Variants in DENND2A observed in about 807,000 individuals in gnomAD.
DENND2A encodes the protein DENN domain containing 2A.
Under a neutral mutation model 105.3 loss-of-function variants are expected in DENND2A, and 53 were observed. The observed-to-expected ratio is 0.50, with a 90% CI of 0.40 to 0.63. The LOEUF (loss-of-function observed/expected upper bound fraction) is 0.63. Ranked by LOEUF, DENND2A falls within the 30% of genes least tolerant of loss-of-function variation. The pLI is 0.00. For missense variants in DENND2A, 1,138 were observed against 1,279.6 expected (o/e 0.89, Z 1.69); for synonymous variants, 522 against 508.4 (o/e 1.03, Z -0.36).
rs78603206 is a variant in DENND2A at position 140,546,535 on chromosome 7, A to G, written c.2178+264T>C. On this transcript the variant is annotated intron_variant, in intron 13 of 19. Transcript: ENST00000496613. Reference sequence around the variant, plus strand: ...AAAAGAAATTAAGGATGTTCAGTGCAGATCCCTAACCTGAGGCCAACATCA... The same window carrying G: ...AAAAGAAATTAAGGATGTTCAGTGCGGATCCCTAACCTGAGGCCAACATCA... Among the ~76,000 whole-genome samples the G allele has an allele frequency of 3.9e-3, 587 of 152,376 alleles. 3 individuals carry two copies. Among genetic ancestry groups the G allele is most frequent in the African/African-American group, 0.013 (539 of 41,592 alleles).
Position 140,632,776 on chromosome 7 carries a change from C to T in DENND2A, c.-248+7728G>A, listed in dbSNP as rs1002915428. On this transcript the variant is annotated intron_variant, in intron 1 of 19. Coordinates refer to ENST00000496613, the MANE Select transcript of DENND2A (RefSeq NM_015689.5). ...TAGAGATGGGGTTTCATTGGCCAGACGGATCTCCAACTCCTGACCTCAGGT... is the reference window on the plus strand; with the variant it reads ...TAGAGATGGGGTTTCATTGGCCAGATGGATCTCCAACTCCTGACCTCAGGT... Among the ~76,000 whole-genome samples the T allele has an allele frequency of 1.1e-4, 17 of 151,144 alleles. No homozygotes were observed. The East Asian group carries it at 1.4e-3, about 12-fold the overall frequency.
intron 2 of DENND2A, among the ~76,000 whole-genome samples, chr7:140,603,354 G>A (rs1799586617): frequency 6.6e-6 from 1 of 152,174 alleles, no homozygotes. Flanking sequence ...TGCTTTTCCT[G>A]CTTTTCTTAT....
At chr7:140,578,804 G>A (rs575710943) in intron 5 of DENND2A, among the ~76,000 whole-genome samples, 5 of 152,226 alleles carry the variant, frequency 3.3e-5, no homozygotes, top group Admixed American at 6.5e-5. Flanking sequence ...AACCCAGGAG[G>A]CAGAGGTTGC....
chr7:140,577,217 C>T (rs1798336056), intron 5 of DENND2A, among the ~76,000 whole-genome samples: 1 of 152,096 alleles, frequency 6.6e-6, no homozygotes, highest in African/African-American at 2.4e-5. Flanking sequence ...AGCAATGACA[C>T]AGTACTATCT....
chr7:140,544,989 C>G (rs531635366), intron 13 of DENND2A: 143 of 479,620 alleles, frequency 3.0e-4, no homozygotes, highest in South Asian at 2.1e-3. Flanking sequence ...GCGTCTCACA[C>G]TCAGCTATGA....
chr7:140,523,466 C>A lies in DENND2A; in HGVS notation c.2548-42G>T, dbSNP rs1212845441. ...GCAGGTGGGCTTATGGGCACGGTGG[C>A]TGCGTCTTGGCCATAGGACACACTG... On this transcript the variant is annotated intron_variant, in intron 16 of 19. Transcript: ENST00000496613. The surrounding 1 kb of genome is among the most constrained non-coding windows in gnomAD (Gnocchi z 4.5). The A allele has an allele frequency of 6.3e-7, 1 of 1,582,766 alleles. No individual in the cohort carries two copies. Among genetic ancestry groups the A allele is most frequent in the South Asian group, 1.1e-5 (1 of 90,386 alleles).
At chr7:140,628,536 CTTT>C (rs987018660) in intron 1 of DENND2A, among the ~76,000 whole-genome samples, 15 of 116,130 alleles carry the variant, frequency 1.3e-4, no homozygotes, top group Non-Finnish European at 1.6e-4. Context: ...AAATTTCTTT[CTTT>C]TTTTTTTTTT....
In DENND2A at chr7:140,589,577, T is replaced by C. The variant is rs533278021; in HGVS notation, c.996-1797A>G. Among the ~76,000 whole-genome samples, 92 of 152,310 alleles carry C rather than the reference T, an allele frequency of 6.0e-4. 1 individual carries two copies. Among genetic ancestry groups the C allele is most frequent in the African/African-American group, 2.0e-3 (85 of 41,582 alleles). ...GCACGACCCTGGCTGAGTTTGGCCT[T>C]TTCTTTGAGAGAGAGAAAGGGGCTG... On this transcript the variant is annotated intron_variant, in intron 3 of 19. Transcript: ENST00000496613.
chr7:140,598,753 A>AC (rs1799375998), intron 3 of DENND2A, among the ~76,000 whole-genome samples: 1 of 152,196 alleles, frequency 6.6e-6, no homozygotes, highest in African/African-American at 2.4e-5. Flanking sequence ...CATGTCAAAT[A>AC]ATTATATATT....
intron 5 of DENND2A, 117 bp downstream of exon 5, chr7:140,585,472 A>G: frequency 3.5e-6 from 5 of 1,412,490 alleles, no homozygotes; most frequent in Non-Finnish European, 4.9e-6. Context: ...CAAATCCAGG[A>G]GCCCGGCAGG....
chr7:140,619,296 GTAAAT>G (rs1367094487), intron 1 of DENND2A, among the ~76,000 whole-genome samples: 2 of 151,790 alleles, frequency 1.3e-5, no homozygotes, highest in African/African-American at 2.4e-5. Flanking sequence ...ATATTATAAT[GTAAAT>G]TAAATTATGT....
At chr7:140,533,818 C>T (rs1302316310) in intron 14 of DENND2A, among the ~76,000 whole-genome samples, 2 of 152,188 alleles carry the variant, frequency 1.3e-5, no homozygotes, top group Non-Finnish European at 2.9e-5. Context: ...ATGAATACCT[C>T]GTTAGCTGGA....
Position 140,527,384 on chromosome 7 carries a change from C to T in DENND2A, c.2439G>A (p.Pro813=), listed in dbSNP as rs76760136. The part of the protein sequence containing the change: ...PPAMVDIVCS[P]TPFLIGLLSS... Reference sequence around the variant, plus strand: ...AGAGCAGCCCGATGAGGAAGGGCGTCGGCGAGCACACGATGTCGACCATGG... The same window carrying T: ...AGAGCAGCCCGATGAGGAAGGGCGTTGGCGAGCACACGATGTCGACCATGG... Residue 813 remains proline (P), a synonymous_variant, in exon 15 of 20, where the codon CCG becomes CCA. Coordinates refer to ENST00000496613, the MANE Select transcript of DENND2A (RefSeq NM_015689.5). This position sits in a 1 kb window ranked among gnomAD's most constrained non-coding sequence, Gnocchi z 4.9. The T allele has an allele frequency of 1.1e-3, 1,688 of 1,607,496 alleles. 19 individuals carry two copies. The African/African-American group carries it at 0.017, about 17-fold the overall frequency.
chr7:140,616,904 C>A (rs60903892), intron 1 of DENND2A, among the ~76,000 whole-genome samples: 8,511 of 152,266 alleles, frequency 0.056, 492 homozygotes, highest in East Asian at 0.29. Flanking sequence ...GTCACCCAGG[C>A]TGGAGTGCAG....
At chr7:140,626,273 T>C (rs1424926056) in intron 1 of DENND2A, among the ~76,000 whole-genome samples, 2 of 152,214 alleles carry the variant, frequency 1.3e-5, no homozygotes, top group Non-Finnish European at 2.9e-5. Context: ...ATGCATGCTG[T>C]GACACCGAGG....
At chr7:140,637,129 C>T (rs1232847924) in intron 1 of DENND2A, among the ~76,000 whole-genome samples, 2 of 147,172 alleles carry the variant, frequency 1.4e-5, no homozygotes, top group Non-Finnish European at 3.0e-5. Flanking sequence ...GGATTACAGG[C>T]GTAGGCCACT....
Position 140,527,543 on chromosome 7 carries a change from C to T in DENND2A, c.2328-48G>A, listed in dbSNP as rs369401539. 5.9e-5 allele frequency: 90 copies of T among 1,532,916 alleles called. No homozygotes were observed. The African/African-American group carries it at 7.1e-4, about 12-fold the overall frequency. 95.0% of individuals were successfully genotyped at this position (1,532,916 alleles called of 1,614,324 possible). ...GAGAGAGGCCGACTCAGCGAGGGCCCGAGGAAGCCTCCAGGGGAGAAGGCT... is the reference window on the plus strand; with the variant it reads ...GAGAGAGGCCGACTCAGCGAGGGCCTGAGGAAGCCTCCAGGGGAGAAGGCT... On this transcript the variant is annotated intron_variant, in intron 14 of 19. Coordinates refer to ENST00000496613, the MANE Select transcript of DENND2A (RefSeq NM_015689.5). This position sits in a 1 kb window ranked among gnomAD's most constrained non-coding sequence, Gnocchi z 4.9.
intron 11 of DENND2A, among the ~76,000 whole-genome samples, chr7:140,556,399 C>T (rs113884334): frequency 0.012 from 1,864 of 151,844 alleles, 34 homozygotes; most frequent in African/African-American, 0.042. Flanking sequence ...AGTGCAGCGA[C>T]GCGATCTCAG....
At chr7:140,531,330 C>A (rs10237118) in intron 14 of DENND2A, among the ~76,000 whole-genome samples, 13,452 of 152,164 alleles carry the variant, frequency 0.088, 717 homozygotes, top group African/African-American at 0.15. Flanking sequence ...TCAGAACATT[C>A]ACATACAAGT....
Sources: gnomAD v4.1 joint callset for allele counts (sites outside exome capture counted in the v4.1 genomes callset) on GRCh38, gnomAD v4.1.1 for gene constraint, Gnocchi (gnomAD v3.1) non-coding constraint, MANE v1.5 for transcripts, NCBI Gene and HGNC (gene_info 2026-07-23, HGNC 2026-07-21) for gene names.